APOD: variants seen among roughly 807,000 people sequenced by gnomAD.
The protein encoded by APOD is apolipoprotein D.
Under a neutral mutation model 20.4 loss-of-function variants are expected in APOD, and 22 were observed. The ratio of observed to expected loss-of-function variants is 1.08; its 90% CI spans 0.77 to 1.54. The LOEUF is 1.54. Among genes scored for constraint, APOD ranks in the 40% most tolerant of loss-of-function variants. The probability of loss-of-function intolerance (pLI) is 0.00; values close to 1 mark genes in which losing one functional copy is unlikely to be tolerated. For synonymous variants in APOD, 97 were observed against 92.4 expected (o/e 1.05, Z -0.29); for missense variants, 223 against 229.6 (o/e 0.97, Z 0.19).
At chr3:195,579,540 A>G (rs1720300984) in intron 1 of APOD, 45 bp from the exon 2 acceptor site, 1 of 1,573,088 alleles carries the variant, frequency 6.4e-7, no homozygotes, top group African/African-American at 1.3e-5. Flanking sequence ...TGAGCCTTCT[A>G]AGGCCACACA....
At chr3:195,579,603 T>C in intron 1 of APOD, 108 bp from the exon 2 acceptor site, 1 of 1,208,168 alleles carries the variant, frequency 8.3e-7, no homozygotes, top group Non-Finnish European at 1.2e-6. Flanking sequence ...CGGTCCCTCC[T>C]CTTCTCTCCC....
At chr3:195,579,749 CT>C (rs921673484) in intron 1 of APOD, among the ~76,000 whole-genome samples, 72 of 152,324 alleles carry the variant, frequency 4.7e-4, no homozygotes, top group African/African-American at 1.7e-3. Flanking sequence ...ATTTTCACCC[CT>C]GTCCCACCTA....
intron 1 of APOD, among the ~76,000 whole-genome samples, chr3:195,582,069 A>G (rs1720348430): frequency 6.6e-6 from 1 of 152,124 alleles, no homozygotes; most frequent in African/African-American, 2.4e-5. Context: ...GCCTGTAATT[A>G]CATGCATGCC....
chr3:195,569,071 G>A lies in APOD; in HGVS notation c.399C>T (p.Ser133=). The A allele has an allele frequency of 6.2e-7, 1 of 1,614,156 alleles. No individual in the cohort carries two copies. The highest frequency in any genetic ancestry group is 8.5e-7 in the Non-Finnish European group (1 of 1,180,032). The change falls in exon 5 of 5, where the codon TCC becomes TCT. Residue 133 remains serine (S), a synonymous_variant. Transcript: ENST00000343267. ...TDYENYALVY[S]CTCIIQLFHV... ...GAAAAAGTTGGATGATGCAGGTACA[G>A]GAATACACGAGGGCATAGTTCTCAT...
Position 195,572,785 on chromosome 3 carries a change from G to C in APOD, c.245+1065C>G, listed in dbSNP as rs545399038. ...CCAGCACTTTGGGAGGCCAAGGGGG[G>C]GCGGATCACAAGGTCAGGAGATCAA... On this transcript the variant is annotated intron_variant, in intron 3 of 4. Transcript: ENST00000343267. Among the ~76,000 whole-genome samples the C allele has an allele frequency of 3.2e-4, 49 of 152,164 alleles. 1 individual carries two copies. In the East Asian group the frequency reaches 9.3e-3, roughly 29 times the overall value.
At chr3:195,572,778 A>G (rs1049445943) in intron 3 of APOD, among the ~76,000 whole-genome samples, 5 of 151,096 alleles carry the variant, frequency 3.3e-5, no homozygotes, top group African/African-American at 4.9e-5. Context: ...TTGGGAGGCC[A>G]AGGGGGGGCG....
chr3:195,576,572 G>A (rs918330290), intron 2 of APOD, among the ~76,000 whole-genome samples: 1 of 152,220 alleles, frequency 6.6e-6, no homozygotes, highest in Non-Finnish European at 1.5e-5. Flanking sequence ...GACTTTGGGA[G>A]GCCGAGGCGG....
chr3:195,572,411 C>G (rs1449719355), intron 3 of APOD, among the ~76,000 whole-genome samples: 1 of 152,230 alleles, frequency 6.6e-6, no homozygotes, highest in Non-Finnish European at 1.5e-5. Context: ...TTGATGTCAC[C>G]TGACAATTAG....
intron 3 of APOD, among the ~76,000 whole-genome samples, chr3:195,572,841 T>C (rs1231852389): frequency 6.6e-6 from 1 of 151,372 alleles, no homozygotes; most frequent in Non-Finnish European, 1.5e-5. Context: ...TGAAACCCCG[T>C]CTCTACTAAA....
chr3:195,573,262 G>T (rs1720196204), intron 3 of APOD, among the ~76,000 whole-genome samples: 1 of 152,158 alleles, frequency 6.6e-6, no homozygotes, highest in African/African-American at 2.4e-5. Flanking sequence ...TCTTCCTGGG[G>T]CTCTTTTTAA....
intron 4 of APOD, among the ~76,000 whole-genome samples, chr3:195,570,388 G>A (rs73890876): frequency 0.016 from 2,489 of 152,278 alleles, 80 homozygotes; most frequent in African/African-American, 0.056. Flanking sequence ...TTATTTTCAC[G>A]ACACTGGGCA....
chr3:195,576,988 C>A, intron 2 of APOD: 1 of 175,002 alleles, frequency 5.7e-6, no homozygotes, highest in Non-Finnish European at 1.2e-5. Context: ...AGTTCGAGAC[C>A]AGCCTGGGCA....
At chr3:195,579,632 A>C in intron 1 of APOD, 137 bp from the exon 2 acceptor site, 6 of 904,052 alleles carry the variant, frequency 6.6e-6, no homozygotes, top group Non-Finnish European at 9.9e-6. Flanking sequence ...GTGAACCCTC[A>C]TCCTGCAGGG....
At chr3:195,579,850 A>G (rs563335477) in intron 1 of APOD, among the ~76,000 whole-genome samples, 5 of 152,316 alleles carry the variant, frequency 3.3e-5, no homozygotes, top group African/African-American at 1.2e-4. Context: ...ATACTTGTCA[A>G]ATGAACAGAA....
chr3:195,580,548 G>T (rs542091604), intron 1 of APOD, among the ~76,000 whole-genome samples: 46 of 151,992 alleles, frequency 3.0e-4, no homozygotes, highest in Non-Finnish European at 6.2e-4. Context: ...GGGATTACAG[G>T]TGTCCACCAC....
chr3:195,576,240 C>T (rs948066010), intron 2 of APOD, among the ~76,000 whole-genome samples: 5 of 152,116 alleles, frequency 3.3e-5, no homozygotes, highest in Admixed American at 3.3e-4. Context: ...GAGTTTAGTG[C>T]CCCATAGTAA....
intron 1 of APOD, among the ~76,000 whole-genome samples, chr3:195,581,221 G>A (rs1720333101): frequency 1.3e-5 from 2 of 152,282 alleles, no homozygotes; most frequent in South Asian, 4.1e-4. Context: ...TGCTGCAGGG[G>A]GAGATGGTTG....
At chr3:195,571,176 G>A (rs1398355680) in intron 4 of APOD, 101 bp downstream of exon 4, 3 of 958,714 alleles carry the variant, frequency 3.1e-6, no homozygotes, top group Non-Finnish European at 5.1e-6. Flanking sequence ...AGTGATTATA[G>A]ATGACACTCA....
At chr3:195,571,106 T>A in intron 4 of APOD, 171 bp downstream of exon 4, 1 of 667,208 alleles carries the variant, frequency 1.5e-6, no homozygotes, top group Non-Finnish European at 2.7e-6. Flanking sequence ...TCTGTCCGGC[T>A]CATCATGGCA....
Sources: allele counts gnomAD v4.1 joint callset (sites outside exome capture counted in the v4.1 genomes callset), GRCh38; gene constraint gnomAD v4.1.1; transcripts MANE v1.5; gene names NCBI Gene and HGNC (gene_info 2026-07-23, HGNC 2026-07-21).